FBXO30: variants seen among roughly 807,000 people sequenced by gnomAD.
FBXO30 encodes F-box protein 30, also known as F-box only protein 30.
Under a neutral mutation model 58.1 loss-of-function variants are expected in FBXO30, and 21 were observed. That is an observed-to-expected ratio of 0.36 (90% CI 0.26 to 0.52). FBXO30 has a LOEUF of 0.52. FBXO30 is among the 20% of genes least tolerant of loss of function. The pLI is 0.93. For synonymous variants in FBXO30, 309 were observed against 312.4 expected (o/e 0.99, Z 0.11); for missense variants, 744 against 897.3 (o/e 0.83, Z 2.18).
Position 145,800,253 on chromosome 6 carries a change from G to C in FBXO30, c.2091C>G (p.Ile697Met), listed in dbSNP as rs768371521. Residue 697 changes from isoleucine to methionine, a missense_variant, in exon 3 of 3, where the codon ATC (isoleucine) becomes ATG (methionine). Around this residue, in one of 3 missense-constraint regions of FBXO30, gnomAD observed 334 missense variants for 433.7 expected, o/e 0.77. Coordinates refer to ENST00000237281, the MANE Select transcript of FBXO30 (RefSeq NM_032145.5). ...TCTTCAAGTGGTCTGCCATGCTTAG[G>C]ATGTCAGCAAATTTCCATTCATTAA... ...CSVNEWKFADILSMADHLKKC... is the reference protein window; with the variant it reads ...CSVNEWKFADMLSMADHLKKC... 6.2e-7 allele frequency: 1 copy of C among 1,612,922 alleles called. No individual in the cohort carries two copies. Among genetic ancestry groups the C allele is most frequent in the South Asian group, 1.1e-5 (1 of 91,060 alleles).
chr6:145,812,031 G>C (rs1218749913), intron 1 of FBXO30: 1 of 151,968 alleles, frequency 6.6e-6, no homozygotes, highest in Non-Finnish European at 1.5e-5. Flanking sequence ...GGGGTTGGGG[G>C]GCGGTGGTTA....
At chr6:145,803,582 A>G (rs1444018974) in intron 2 of FBXO30, among the ~76,000 whole-genome samples, 1 of 152,188 alleles carries the variant, frequency 6.6e-6, no homozygotes, top group East Asian at 1.9e-4. Flanking sequence ...ACCTTCAATC[A>G]AAGATATCTG....
chr6:145,803,098 A>C (rs918674334), intron 2 of FBXO30, among the ~76,000 whole-genome samples: 1 of 152,028 alleles, frequency 6.6e-6, no homozygotes, highest in Non-Finnish European at 1.5e-5. Context: ...ATGTGTGAGT[A>C]ATCTATATAA....
In FBXO30 at chr6:145,800,268, CCATT is replaced by C; in HGVS notation, c.2072_2075del (p.Glu691GlyfsTer7). The C allele has an allele frequency of 6.2e-7, 1 of 1,612,854 alleles. No individual in the cohort carries two copies. Among genetic ancestry groups the C allele is most frequent in the South Asian group, 1.1e-5 (1 of 91,060 alleles). On this transcript the variant is annotated frameshift_variant, in exon 3 of 3. Transcript: ENST00000237281. LOFTEE classifies it high-confidence loss of function. ...CCATGCTTAGGATGTCAGCAAATTTCCATTCATTAACAGAACAAAATGCAGTACT... is the reference window on the plus strand; with the variant it reads ...CCATGCTTAGGATGTCAGCAAATTTCCATTAACAGAACAAAATGCAGTACT...
intron 2 of FBXO30, among the ~76,000 whole-genome samples, chr6:145,800,722 G>T (rs1210826166): frequency 6.6e-6 from 1 of 151,978 alleles, no homozygotes; most frequent in African/African-American, 2.4e-5. Context: ...CAATGCAAGT[G>T]TTATTTTTTT....
In FBXO30 at chr6:145,799,327, A is replaced by T. The variant is rs899090011; in HGVS notation, c.*779T>A. The T allele has an allele frequency of 2.6e-5, 4 of 152,474 alleles. No homozygotes were observed. The highest frequency in any genetic ancestry group is 9.7e-5 in the African/African-American group (4 of 41,436). The allele number at this position is 152,474 out of a possible 1,614,324, so 9.4% of individuals were successfully genotyped here. On this transcript the variant is annotated 3_prime_UTR_variant, in exon 3 of 3. Transcript: ENST00000237281. ...GAGGTATATTTTCTTTTAAAACATTAGATAACTAGCAAATATATAATACCA... is the reference window on the plus strand; with the variant it reads ...GAGGTATATTTTCTTTTAAAACATTTGATAACTAGCAAATATATAATACCA...
At chr6:145,814,073 C>A (rs1469781934) in intron 1 of FBXO30, among the ~76,000 whole-genome samples, 2 of 152,154 alleles carry the variant, frequency 1.3e-5, no homozygotes, top group African/African-American at 2.4e-5. Flanking sequence ...TTAATAAGGA[C>A]CGAGGCTAAG....
intron 1 of FBXO30, among the ~76,000 whole-genome samples, chr6:145,813,861 T>C (rs907568842): frequency 6.6e-6 from 1 of 152,116 alleles, no homozygotes; most frequent in Admixed American, 6.5e-5. Flanking sequence ...GAGAGGGAAA[T>C]GGAGTACTAG....
At position 145,800,390 on chromosome 6, in the gene FBXO30, T is replaced by C. The variant is rs184413290; in HGVS notation, c.2035-81A>G. 3.6e-4 allele frequency: 398 copies of C among 1,104,148 alleles called. 2 individuals carry two copies. In the Admixed American group the frequency reaches 7.7e-3, roughly 21 times the overall value. The allele number at this position is 1,104,148 out of a possible 1,614,324, so 68.4% of individuals were successfully genotyped here. A position where few individuals can be genotyped will look rare whatever the true frequency, so the allele number is the denominator to read the frequency against. On this transcript the variant is annotated intron_variant, in intron 2 of 2. Transcript: ENST00000237281. ...ACACTTTTTGCTCCTACTGCATACA[T>C]TTCTGCTATTATAGAAGCATCCAAT...
chr6:145,800,897 T>A (rs1187775027), intron 2 of FBXO30, among the ~76,000 whole-genome samples: 1 of 152,152 alleles, frequency 6.6e-6, no homozygotes, highest in Admixed American at 6.6e-5. Context: ...TGAAATTTTA[T>A]ATAAAAATAA....
rs1777885321 is a variant in FBXO30, at chr6:145,797,373, T to C, written c.*2733A>G. ...GACTTTTGGATTACACATATATTTA[T>C]ACAAACACACACAGGTACACACATA... On this transcript the variant is annotated 3_prime_UTR_variant, in exon 3 of 3. Transcript: ENST00000237281. 6.6e-6 allele frequency: 1 copy of C among 152,030 alleles called. No individual in the cohort carries two copies. The highest frequency in any genetic ancestry group is 1.5e-5 in the Non-Finnish European group (1 of 67,934). The allele number at this position is 152,030 out of a possible 1,614,324, so 9.4% of individuals were successfully genotyped here. A position where few individuals can be genotyped will look rare whatever the true frequency, so the allele number is the denominator to read the frequency against.
intron 1 of FBXO30, among the ~76,000 whole-genome samples, chr6:145,812,613 A>ATGTACTTCGAT (rs1291544420): frequency 2.0e-5 from 3 of 152,142 alleles, no homozygotes; most frequent in African/African-American, 7.2e-5. Context: ...CAGAAACCAG[A>ATGTACTTCGAT]TGTACTTCGA....
In FBXO30 at chr6:145,799,993, A is replaced by C. The variant is rs1274344700; in HGVS notation, c.*113T>G. Reference sequence around the variant, plus strand: ...GATGTCACTTCAAAACATTATATACACAGTGACAATAAATTTAGCTAGTTG... The same window carrying C: ...GATGTCACTTCAAAACATTATATACCCAGTGACAATAAATTTAGCTAGTTG... On this transcript the variant is annotated 3_prime_UTR_variant, in exon 3 of 3. Coordinates refer to ENST00000237281, the MANE Select transcript of FBXO30 (RefSeq NM_032145.5). The C allele has an allele frequency of 2.2e-5, 17 of 774,272 alleles. No homozygotes were observed. The highest frequency in any genetic ancestry group is 3.3e-5 in the Non-Finnish European group (16 of 485,310). The allele number at this position is 774,272 out of a possible 1,614,324, so 48.0% of individuals were successfully genotyped here. A position where few individuals can be genotyped will look rare whatever the true frequency, so the allele number is the denominator to read the frequency against.
At chr6:145,811,474 T>A (rs980723878) in intron 1 of FBXO30, among the ~76,000 whole-genome samples, 4 of 152,198 alleles carry the variant, frequency 2.6e-5, no homozygotes, top group Admixed American at 2.6e-4. Flanking sequence ...TTTAAAATCT[T>A]AAATAGTAAT....
intron 1 of FBXO30, among the ~76,000 whole-genome samples, chr6:145,807,369 G>C (rs1317036770): frequency 2.0e-5 from 3 of 152,164 alleles, no homozygotes; most frequent in Non-Finnish European, 4.4e-5. Context: ...CGGTAAACTG[G>C]TAAGAAAGAG....
In FBXO30 at chr6:145,800,256, G is replaced by A; in HGVS notation, c.2088C>T (p.Asp696=). The change falls in exon 3 of 3, where the codon GAC becomes GAT. Residue 696 remains aspartate (D), a synonymous_variant. Transcript: ENST00000237281. ...FCSVNEWKFA[D]ILSMADHLKK... ...TCAAGTGGTCTGCCATGCTTAGGAT[G>A]TCAGCAAATTTCCATTCATTAACAG... 6.2e-7 allele frequency: 1 copy of A among 1,612,916 alleles called. No individual in the cohort carries two copies. The highest frequency in any genetic ancestry group is 8.5e-7 in the Non-Finnish European group (1 of 1,179,286).
chr6:145,812,302 A>G (rs1289623209), intron 1 of FBXO30, among the ~76,000 whole-genome samples: 1 of 152,186 alleles, frequency 6.6e-6, no homozygotes, highest in Non-Finnish European at 1.5e-5. Flanking sequence ...AACTACTTGC[A>G]ACGTTCTCCA....
In FBXO30 at chr6:145,805,451, C is replaced by A; in HGVS notation, c.955G>T (p.Ala319Ser). ...QSNLTNGDCV[A>S]SSDGTSKPSS... is the part of the protein sequence containing the mutation. Reference sequence around the variant, plus strand: ...GGTTTTGAAGTGCCATCTGATGATGCCACACAGTCTCCATTTGTTAAGTTA... The same window carrying A: ...GGTTTTGAAGTGCCATCTGATGATGACACACAGTCTCCATTTGTTAAGTTA... Residue 319 changes from alanine (A) to serine (S), a missense_variant, in exon 2 of 3, where the codon GCA (alanine) becomes TCA (serine). Physicochemically the swap from Ala to Ser is moderately conservative, Grantham distance 99. Around this residue, in one of 3 missense-constraint regions of FBXO30, gnomAD observed 275 missense variants for 262.0 expected, o/e 1.05. Transcript: ENST00000237281. The A allele has an allele frequency of 6.2e-7, 1 of 1,612,370 alleles. No individual in the cohort carries two copies. The highest frequency in any genetic ancestry group is 8.5e-7 in the Non-Finnish European group (1 of 1,178,936).
Position 145,805,755 on chromosome 6 carries a change from G to C in FBXO30, c.651C>G (p.Asp217Glu). ...IGMLNTSVPN[D>E]MDEQQNARES... Reference sequence around the variant, plus strand: ...CTCTCGCATTTTGCTGTTCATCCATGTCATTTGGGACACTTGTATTTAACA... The same window carrying C: ...CTCTCGCATTTTGCTGTTCATCCATCTCATTTGGGACACTTGTATTTAACA... The change falls in exon 2 of 3, where the codon GAC (aspartate) becomes GAG (glutamate). Residue 217 changes from aspartate (D) to glutamate (E), a missense_variant. This residue lies in a region of FBXO30 where 275 missense variants were observed against 262.0 expected (regional missense o/e 1.05). Coordinates refer to ENST00000237281, the MANE Select transcript of FBXO30 (RefSeq NM_032145.5). 3.1e-6 allele frequency: 5 copies of C among 1,613,992 alleles called. No homozygotes were observed. The highest frequency in any genetic ancestry group is 4.2e-6 in the Non-Finnish European group (5 of 1,179,972).
Sources: allele counts gnomAD v4.1 joint callset (sites outside exome capture counted in the v4.1 genomes callset), GRCh38; gene constraint gnomAD v4.1.1; regional missense constraint gnomAD v4.1.1; transcripts MANE v1.5; gene names NCBI Gene and HGNC (gene_info 2026-07-23, HGNC 2026-07-21).